Variants in STXBP4 observed in about 807,000 individuals in gnomAD.
STXBP4 encodes the protein syntaxin binding protein 4.
STXBP4 carries 55 observed loss-of-function variants against 76.1 expected under a neutral mutation model. That is an observed-to-expected ratio of 0.72 (90% confidence interval 0.58 to 0.91). The LOEUF (loss-of-function observed/expected upper bound fraction) is 0.91. Among genes scored for constraint, STXBP4 ranks in the 40% least tolerant of loss-of-function variants. STXBP4 has a pLI of 0.00. For synonymous variants in STXBP4, 201 were observed against 220.2 expected (o/e 0.91, Z 0.77); for missense variants, 618 against 636.9 (o/e 0.97, Z 0.32).
downstream of STXBP4, among the ~76,000 whole-genome samples, chr17:55,174,788 T>G (rs1255835633): frequency 6.6e-6 from 1 of 152,186 alleles, no homozygotes; most frequent in Admixed American, 6.5e-5. Context: ...CTCCAAGTTA[T>G]AGTAGATCCC....
chr17:55,145,255 G>C (rs1396447864), intron 17 of STXBP4, among the ~76,000 whole-genome samples: 2 of 152,178 alleles, frequency 1.3e-5, no homozygotes, highest in Non-Finnish European at 2.9e-5. Context: ...GCCTGTGTTA[G>C]CTTTTGAGGT....
chr17:55,195,468 G>T, the STXBP4 span, among the ~76,000 whole-genome samples: 1 of 152,004 alleles, frequency 6.6e-6, no homozygotes, highest in Non-Finnish European at 1.5e-5. Flanking sequence ...TTTATTTTGA[G>T]ACAGGTCTCA....
intron 12 of STXBP4, among the ~76,000 whole-genome samples, chr17:55,055,213 T>A (rs2078908963): frequency 6.6e-6 from 1 of 152,066 alleles, no homozygotes; most frequent in African/African-American, 2.4e-5. Context: ...TGTTAGGAAA[T>A]GACATTTGGG....
At chr17:55,062,995 T>G (rs1014724969) in intron 12 of STXBP4, among the ~76,000 whole-genome samples, 2 of 152,246 alleles carry the variant, frequency 1.3e-5, no homozygotes, top group African/African-American at 2.4e-5. Context: ...ACAAACTTAG[T>G]TGGATTTTTT....
rs188613394 is a variant in STXBP4 at position 55,008,211 on chromosome 17, T to C, written c.666+614T>C. On this transcript the variant is annotated intron_variant, in intron 8 of 17. Coordinates refer to ENST00000376352, the MANE Select transcript of STXBP4 (RefSeq NM_178509.6). ...GGATCTGAAGGGAAAAATAAGCCCC[T>C]TTTTTTTTTTTGATGTAAAATGGAT... is the stretch of plus-strand genomic sequence containing the variant. 5.2e-3 allele frequency among the ~76,000 whole-genome samples: 745 copies of C among 144,542 alleles called. 6 individuals are homozygous for C. The highest frequency in any genetic ancestry group is 0.017 in the African/African-American group (680 of 39,726). The allele number at this position is 144,542 out of a possible 152,430, so 94.8% of individuals were successfully genotyped here.
chr17:55,109,947 C>G (rs2079692837), intron 16 of STXBP4, among the ~76,000 whole-genome samples: 1 of 152,118 alleles, frequency 6.6e-6, no homozygotes. Context: ...CTGTCAATGT[C>G]TTAAAACAAT....
intron 16 of STXBP4, among the ~76,000 whole-genome samples, chr17:55,108,697 G>A (rs565484177): frequency 1.4e-4 from 22 of 152,226 alleles, no homozygotes; most frequent in African/African-American, 4.3e-4. Flanking sequence ...TGGGTAAGGC[G>A]ACCACCCACC....
At chr17:54,974,706 G>A (rs1263186120) in intron 1 of STXBP4, among the ~76,000 whole-genome samples, 1 of 152,178 alleles carries the variant, frequency 6.6e-6, no homozygotes, top group Non-Finnish European at 1.5e-5. Flanking sequence ...AGAATTCCAG[G>A]GCAAGCTGGT....
intron 12 of STXBP4, among the ~76,000 whole-genome samples, chr17:55,051,121 A>C (rs923086634): frequency 1.3e-5 from 2 of 152,212 alleles, no homozygotes; most frequent in South Asian, 2.1e-4. Flanking sequence ...GTAGATATGC[A>C]TGTTAAGATA....
At chr17:55,213,139 G>GC in the STXBP4 span, among the ~76,000 whole-genome samples, 4 of 151,952 alleles carry the variant, frequency 2.6e-5, no homozygotes, top group Non-Finnish European at 5.9e-5. Flanking sequence ...GGAAGAAACT[G>GC]CCCCCCATCG....
At chr17:54,995,488 C>T (rs1024415134) in intron 4 of STXBP4, among the ~76,000 whole-genome samples, 5 of 152,172 alleles carry the variant, frequency 3.3e-5, no homozygotes, top group Admixed American at 2.6e-4. Flanking sequence ...TGCACACACA[C>T]ATATATATAA....
At chr17:54,990,100 T>C (rs2077691140) in intron 3 of STXBP4, among the ~76,000 whole-genome samples, 1 of 152,198 alleles carries the variant, frequency 6.6e-6, no homozygotes, top group Non-Finnish European at 1.5e-5. Context: ...GTAAATTCTT[T>C]TGTGTTTTGG....
the STXBP4 span, among the ~76,000 whole-genome samples, chr17:55,205,185 T>C: frequency 2.0e-5 from 3 of 152,070 alleles, no homozygotes; most frequent in African/African-American, 7.2e-5. Flanking sequence ...TATAAAGTTT[T>C]AGTAATAAAA....
At chr17:55,047,238 T>C (rs2078803230) in intron 12 of STXBP4, 84 bp downstream of exon 12, 2 of 778,248 alleles carry the variant, frequency 2.6e-6, no homozygotes, top group Admixed American at 2.6e-5. Flanking sequence ...GGTATAATTA[T>C]AAAGCAGTGG....
At chr17:55,210,299 A>T in the STXBP4 span, among the ~76,000 whole-genome samples, 1 of 152,218 alleles carries the variant, frequency 6.6e-6, no homozygotes, top group East Asian at 1.9e-4. Flanking sequence ...TATTAAGCTC[A>T]TTTTTTGCTC....
rs2080343781 is a variant in STXBP4 at position 55,162,333 on chromosome 17, A to G, written c.*2422A>G. On this transcript the variant is annotated 3_prime_UTR_variant, in exon 18 of 18. Transcript: ENST00000376352. The stretch of plus-strand genomic sequence containing the variant: ...TCTTTAACATCAATCAACCGTAGCA[A>G]TGTGGTCATCACGAAGTCTTCATTG... 6.6e-6 allele frequency: 1 copy of G among 152,226 alleles called. No individual in the cohort carries two copies. The highest frequency in any genetic ancestry group is 2.4e-5 in the African/African-American group (1 of 41,460). 9.4% of individuals were successfully genotyped at this position (152,226 alleles called of 1,614,324 possible). A position where few individuals can be genotyped will look rare whatever the true frequency, so the allele number is the denominator to read the frequency against.
At chr17:55,009,683 C>G (rs2078071324) in intron 8 of STXBP4, among the ~76,000 whole-genome samples, 1 of 152,122 alleles carries the variant, frequency 6.6e-6, no homozygotes. Context: ...AATTCAGCCT[C>G]TGCTCTTAAT....
At chr17:55,132,583 A>G (rs2079984908) in intron 16 of STXBP4, among the ~76,000 whole-genome samples, 1 of 152,224 alleles carries the variant, frequency 6.6e-6, no homozygotes, top group African/African-American at 2.4e-5. Context: ...TTGTATAAAT[A>G]TAGATACTTG....
intron 17 of STXBP4, among the ~76,000 whole-genome samples, chr17:55,155,510 A>ACCC (rs5821088): frequency 4.3e-5 from 6 of 138,660 alleles, no homozygotes; most frequent in Middle Eastern, 3.6e-3. Context: ...TACAATTATC[A>ACCC]CCCCCCCCCC....
Sources: allele counts gnomAD v4.1 joint callset (sites outside exome capture counted in the v4.1 genomes callset), GRCh38; gene constraint gnomAD v4.1.1; transcripts MANE v1.5; gene names NCBI Gene and HGNC (gene_info 2026-07-23, HGNC 2026-07-21).